RPTOR: variants seen among roughly 807,000 people sequenced by gnomAD.
The protein encoded by RPTOR is regulatory associated protein of MTOR complex 1.
A neutral mutation model predicts 169.9 loss-of-function variants in RPTOR; 21 were observed. That is an observed-to-expected ratio of 0.12 (90% CI 0.09 to 0.18). RPTOR has a LOEUF of 0.18. RPTOR is among the 10% of genes least tolerant of loss of function. RPTOR has a pLI of 1.00. For missense variants in RPTOR, 1,133 were observed against 1,855.9 expected (o/e 0.61, Z 7.16); for synonymous variants, 732 against 753.2 (o/e 0.97, Z 0.46).
chr17:80,842,916 T>C (rs1314981683), intron 10 of RPTOR, among the ~76,000 whole-genome samples: 1 of 152,214 alleles, frequency 6.6e-6, no homozygotes, highest in Non-Finnish European at 1.5e-5. Context: ...CCAAGGGCCA[T>C]GTTCACATGG....
Position 80,746,426 on chromosome 17 carries a change from C to G in RPTOR, c.655-7584C>G, listed in dbSNP as rs1413853565. On this transcript the variant is annotated intron_variant, in intron 5 of 33. Coordinates refer to ENST00000306801, the MANE Select transcript of RPTOR (RefSeq NM_020761.3). The surrounding 1 kb of genome is among the most constrained non-coding windows in gnomAD (Gnocchi z 4.5). ...CTGCCCGCTTACCTCATGAACTGCG[C>G]GTGCACTGACTCCACATTACCCACA... 6.6e-6 allele frequency among the ~76,000 whole-genome samples: 1 copy of G among 152,234 alleles called. No individual in the cohort carries two copies. The highest frequency in any genetic ancestry group is 2.4e-5 in the African/African-American group (1 of 41,456).
chr17:80,582,791 G>A (rs989860560), intron 1 of RPTOR, among the ~76,000 whole-genome samples: 17 of 151,882 alleles, frequency 1.1e-4, no homozygotes, highest in African/African-American at 2.7e-4. Context: ...TGATCCGCCC[G>A]CCTCAGCCTC....
At chr17:80,886,040 G>A (rs2589126) in intron 17 of RPTOR, among the ~76,000 whole-genome samples, 10,297 of 152,292 alleles carry the variant, frequency 0.068, 712 homozygotes, top group African/African-American at 0.17. Context: ...GACAGCTGGA[G>A]CACAGAGCTG....
At chr17:80,631,196 C>A (rs2065439108) in intron 2 of RPTOR, among the ~76,000 whole-genome samples, 1 of 152,156 alleles carries the variant, frequency 6.6e-6, no homozygotes. Flanking sequence ...CCTCCTCCCA[C>A]TCCCCAGGTA....
chr17:80,742,187 T>C (rs1393598299), intron 5 of RPTOR, among the ~76,000 whole-genome samples: 1 of 152,096 alleles, frequency 6.6e-6, no homozygotes, highest in Non-Finnish European at 1.5e-5. Context: ...CACATGGACA[T>C]TATGAGAGCA....
rs563532650 is a variant in RPTOR at position 80,721,530 on chromosome 17, G to A, written c.508-9030G>A. ...AGCAGCGGGCTCTCCTGGCTCACCC[G>A]GGGCCGTCAGGGCGCTGCAGTTTGC... On this transcript the variant is annotated intron_variant, in intron 4 of 33. Coordinates refer to ENST00000306801, the MANE Select transcript of RPTOR (RefSeq NM_020761.3). This position sits in a 1 kb window ranked among gnomAD's most constrained non-coding sequence, Gnocchi z 4.7. Among the ~76,000 whole-genome samples the A allele has an allele frequency of 7.3e-5, 11 of 151,422 alleles. No homozygotes were observed. The East Asian group carries it at 7.7e-4, about 11-fold the overall frequency.
intron 7 of RPTOR, among the ~76,000 whole-genome samples, chr17:80,816,813 C>T (rs1374563089): frequency 1.3e-5 from 2 of 152,196 alleles, no homozygotes; most frequent in African/African-American, 4.8e-5. Context: ...GCTTCAGGGC[C>T]ACATGGGTTT....
chr17:80,603,933 C>A (rs866256178), intron 1 of RPTOR, among the ~76,000 whole-genome samples: 1 of 152,214 alleles, frequency 6.6e-6, no homozygotes, highest in Non-Finnish European at 1.5e-5. Context: ...GCGAACCCCA[C>A]TTACTAGTTA....
intron 6 of RPTOR, among the ~76,000 whole-genome samples, chr17:80,788,536 C>T (rs973653391): frequency 2.0e-5 from 3 of 152,016 alleles, no homozygotes; most frequent in Admixed American, 6.6e-5. Context: ...ATAAAAACAC[C>T]GCTCCACTGT....
At chr17:80,869,897 G>A (rs565242573) in intron 13 of RPTOR, among the ~76,000 whole-genome samples, 4 of 152,324 alleles carry the variant, frequency 2.6e-5, no homozygotes, top group Admixed American at 6.5e-5. Flanking sequence ...CAGAGCTCAA[G>A]AGCAGCAGAA....
At chr17:80,821,085 G>A (rs886110011) in intron 7 of RPTOR, among the ~76,000 whole-genome samples, 2 of 152,176 alleles carry the variant, frequency 1.3e-5, no homozygotes, top group Non-Finnish European at 2.9e-5. Context: ...TTTTCTGTTC[G>A]TAAAGGAAAG....
chr17:80,678,303 T>C (rs1468212443), intron 3 of RPTOR, among the ~76,000 whole-genome samples: 1 of 152,244 alleles, frequency 6.6e-6, no homozygotes, highest in African/African-American at 2.4e-5. Context: ...TTTAGTGTCC[T>C]GTAGACAGGG....
chr17:80,852,641 AT>A (rs2067805671), intron 11 of RPTOR, among the ~76,000 whole-genome samples: 1 of 151,844 alleles, frequency 6.6e-6, no homozygotes, highest in Admixed American at 6.6e-5. Flanking sequence ...ACATGCTGGG[AT>A]CCCCTCCATA....
chr17:80,846,750 C>T (rs183920874), intron 11 of RPTOR, among the ~76,000 whole-genome samples, 176 bp downstream of exon 11: 2 of 152,370 alleles, frequency 1.3e-5, no homozygotes, highest in African/African-American at 2.4e-5. Context: ...AAACGGATCA[C>T]ACAGATCCAA....
intron 6 of RPTOR, among the ~76,000 whole-genome samples, chr17:80,759,691 A>G (rs1431205489): frequency 6.6e-6 from 1 of 151,102 alleles, no homozygotes; most frequent in Non-Finnish European, 1.5e-5. Context: ...TTTTTTTTTT[A>G]ATGGAAGAGT....
Position 80,788,332 on chromosome 17 carries a change from C to T in RPTOR, c.831-3118C>T, listed in dbSNP as rs927666133. 6.6e-5 allele frequency among the ~76,000 whole-genome samples: 10 copies of T among 152,144 alleles called. No homozygotes were observed. In the East Asian group the frequency reaches 1.9e-3, roughly 29 times the overall value. ...TACTAAAAATATAAAATTAGCCGGGCATGGTGGCGGGAGGCTGAGGCAGGA... is the reference window on the plus strand; with the variant it reads ...TACTAAAAATATAAAATTAGCCGGGTATGGTGGCGGGAGGCTGAGGCAGGA... On this transcript the variant is annotated intron_variant, in intron 6 of 33. Transcript: ENST00000306801.
At chr17:80,818,122 A>T (rs560554595) in intron 7 of RPTOR, among the ~76,000 whole-genome samples, 21 of 152,304 alleles carry the variant, frequency 1.4e-4, no homozygotes, top group African/African-American at 5.1e-4. Flanking sequence ...TTGGAGTGTC[A>T]TCTGTTTTAT....
intron 1 of RPTOR, among the ~76,000 whole-genome samples, chr17:80,554,798 A>C (rs998175747): frequency 1.3e-5 from 2 of 152,008 alleles, no homozygotes; most frequent in Admixed American, 1.3e-4. Flanking sequence ...AAAAATGAGA[A>C]TCCAGTTGTC....
chr17:80,829,476 G>A (rs2143643783), intron 9 of RPTOR, among the ~76,000 whole-genome samples: 1 of 152,300 alleles, frequency 6.6e-6, no homozygotes, highest in Non-Finnish European at 1.5e-5. Flanking sequence ...TATCTAACGT[G>A]GCATTAAAAA....
Sources: allele counts gnomAD v4.1 joint callset (sites outside exome capture counted in the v4.1 genomes callset), GRCh38; gene constraint gnomAD v4.1.1; non-coding constraint Gnocchi (gnomAD v3.1); transcripts MANE v1.5; gene names NCBI Gene and HGNC (gene_info 2026-07-23, HGNC 2026-07-21).